GRAMD2A: variants seen among roughly 807,000 people sequenced by gnomAD.
The protein encoded by GRAMD2A is GRAM domain containing 2A.
GRAMD2A carries 37 observed loss-of-function variants against 51.1 expected under a neutral mutation model. That is an observed-to-expected ratio of 0.72 (90% confidence interval 0.56 to 0.95). The LOEUF (loss-of-function observed/expected upper bound fraction) is 0.95. Ranked by LOEUF, GRAMD2A falls within the 40% of genes least tolerant of loss-of-function variation. GRAMD2A has a pLI of 0.00. For missense variants in GRAMD2A, 414 were observed against 426.9 expected (o/e 0.97, Z 0.27); for synonymous variants, 136 against 157.1 (o/e 0.87, Z 1.01).
chr15:72,170,145 G>A lies in GRAMD2A; in HGVS notation c.42-206C>T, dbSNP rs2081594840. ...TGACGGAGTAGGCGGGTCTCACACA[G>A]CGTCTTTCCCGAAAGCCAGAAGTTC... On this transcript the variant is annotated intron_variant, in intron 1 of 11. Coordinates refer to ENST00000309731, the MANE Select transcript of GRAMD2A (RefSeq NM_001012642.3). This position sits in a 1 kb window ranked among gnomAD's most constrained non-coding sequence, Gnocchi z 4.5. 1.5e-6 allele frequency: 1 copy of A among 675,710 alleles called. No homozygotes were observed. Among genetic ancestry groups the A allele is most frequent in the Admixed American group, 2.0e-5 (1 of 49,150 alleles). 41.9% of individuals were successfully genotyped at this position (675,710 alleles called of 1,614,324 possible).
At chr15:72,162,511 T>C in intron 10 of GRAMD2A, 134 bp from the exon 11 acceptor site, 1 of 631,102 alleles carries the variant, frequency 1.6e-6, no homozygotes, top group Non-Finnish European at 2.8e-6. Flanking sequence ...CTGCAGCCAG[T>C]TCAGGCCTCA....
rs2081823234 is a variant in GRAMD2A, at chr15:72,197,772, C to A, written c.-1G>T. ...CCTCGCTCCGGCTTAAAGCGGTCAT[C>A]CCGGCGCCTGCACCCAGCGCCCCGA... On this transcript the variant is annotated 5_prime_UTR_variant, in exon 1 of 12. Coordinates refer to ENST00000309731, the MANE Select transcript of GRAMD2A (RefSeq NM_001012642.3). The A allele has an allele frequency of 3.1e-6, 4 of 1,310,644 alleles. No individual in the cohort carries two copies. Among genetic ancestry groups the A allele is most frequent in the Non-Finnish European group, 3.9e-6 (4 of 1,022,044 alleles). The allele number at this position is 1,310,644 out of a possible 1,614,324, so 81.2% of individuals were successfully genotyped here.
At chr15:72,175,766 C>G (rs1357353213) in intron 1 of GRAMD2A, 2 of 152,332 alleles carry the variant, frequency 1.3e-5, no homozygotes, top group African/African-American at 4.8e-5. Flanking sequence ...ACTCTGAGCT[C>G]CAGCAAGGGC....
At chr15:72,173,877 C>T (rs1161606862) in intron 1 of GRAMD2A, 3 of 135,308 alleles carry the variant, frequency 2.2e-5, no homozygotes, top group South Asian at 4.7e-4. Flanking sequence ...TTCAGTGAGC[C>T]GAGATCACAC....
chr15:72,167,928 TC>T, intron 4 of GRAMD2A, 89 bp from the exon 5 acceptor site: 1 of 875,304 alleles, frequency 1.1e-6, no homozygotes, highest in Non-Finnish European at 1.9e-6. Context: ...GAGTCCACAG[TC>T]CAGCCTCAGG....
At chr15:72,163,543 T>C in intron 9 of GRAMD2A, 67 bp from the exon 10 acceptor site, 1 of 1,598,474 alleles carries the variant, frequency 6.3e-7, no homozygotes, top group Non-Finnish European at 8.5e-7. Flanking sequence ...GAGCCCTTTT[T>C]ATGGAACTGG....
intron 1 of GRAMD2A, among the ~76,000 whole-genome samples, chr15:72,178,568 CTT>C (rs537075334): frequency 2.4e-5 from 2 of 84,188 alleles, no homozygotes; most frequent in Non-Finnish European, 4.4e-5. Context: ...CTTGCACTTT[CTT>C]TTTTTTTTTT....
intron 8 of GRAMD2A, among the ~76,000 whole-genome samples, chr15:72,164,306 G>T (rs1224847991): frequency 6.6e-6 from 1 of 152,072 alleles, no homozygotes; most frequent in Non-Finnish European, 1.5e-5. Flanking sequence ...CCTACCCAGG[G>T]CCCCAGCTGC....
chr15:72,167,300 T>A (rs1329918192), intron 5 of GRAMD2A, among the ~76,000 whole-genome samples: 1 of 152,168 alleles, frequency 6.6e-6, no homozygotes, highest in Non-Finnish European at 1.5e-5. Flanking sequence ...GCAGGATGTG[T>A]CACTCTTGGC....
chr15:72,184,811 A>G (rs148442547), intron 1 of GRAMD2A, among the ~76,000 whole-genome samples: 1,953 of 152,344 alleles, frequency 0.013, 62 homozygotes, highest in Admixed American at 0.058. Context: ...AGAGAAAAAC[A>G]AATAAAAGGT....
Position 72,178,723 on chromosome 15 carries a change from C to T in GRAMD2A, c.42-8784G>A, listed in dbSNP as rs1352939413. ...CGGAGTAGCTGGGACTACAGGCGCC[C>T]GCCACCACGCCCGGCTAATTTTTTG... On this transcript the variant is annotated intron_variant, in intron 1 of 11. Coordinates refer to ENST00000309731, the MANE Select transcript of GRAMD2A (RefSeq NM_001012642.3). Among the ~76,000 whole-genome samples, 8 of 151,644 alleles carry T rather than the reference C, an allele frequency of 5.3e-5. No homozygotes were observed. The East Asian group carries it at 1.2e-3, about 22-fold the overall frequency.
In GRAMD2A at chr15:72,161,884, G is replaced by T; in HGVS notation, c.*125C>A. The T allele has an allele frequency of 1.0e-6, 1 of 957,476 alleles. No individual in the cohort carries two copies. The highest frequency in any genetic ancestry group is 1.7e-6 in the Non-Finnish European group (1 of 585,106). 59.3% of individuals were successfully genotyped at this position (957,476 alleles called of 1,614,324 possible). The stretch of plus-strand genomic sequence containing the variant: ...GAGCTGCGGGGAGGAGGAGGGATCT[G>T]GAATATTTTCCTTCATAGGCAGTCT... On this transcript the variant is annotated 3_prime_UTR_variant, in exon 12 of 12. Coordinates refer to ENST00000309731, the MANE Select transcript of GRAMD2A (RefSeq NM_001012642.3).
intron 1 of GRAMD2A, among the ~76,000 whole-genome samples, chr15:72,191,306 T>C (rs900346101): frequency 6.6e-6 from 1 of 152,116 alleles, no homozygotes; most frequent in Non-Finnish European, 1.5e-5. Context: ...TTCAAGCGAT[T>C]CTCCTGCCTC....
chr15:72,175,870 C>CA (rs1040745405), intron 1 of GRAMD2A: 1 of 152,582 alleles, frequency 6.6e-6, no homozygotes, highest in Non-Finnish European at 1.5e-5. Flanking sequence ...GATAACACCC[C>CA]AAAAGGGAGA....
chr15:72,197,358 A>C (rs1478321440), intron 1 of GRAMD2A, among the ~76,000 whole-genome samples: 1 of 152,206 alleles, frequency 6.6e-6, no homozygotes, highest in Non-Finnish European at 1.5e-5. Context: ...TACCGCGGGC[A>C]ACGAATGATG....
chr15:72,168,699 G>A, intron 3 of GRAMD2A, 133 bp from the exon 4 acceptor site: 3 of 796,156 alleles, frequency 3.8e-6, no homozygotes, highest in Non-Finnish European at 6.5e-6. Context: ...CTAGTAAGCA[G>A]CCAGTGAGTA....
At chr15:72,194,432 G>C (rs1212786507) in intron 1 of GRAMD2A, among the ~76,000 whole-genome samples, 1 of 152,170 alleles carries the variant, frequency 6.6e-6, no homozygotes, top group Non-Finnish European at 1.5e-5. Context: ...CTAAGCTTAT[G>C]ATTTTAGTAT....
At chr15:72,194,579 T>C (rs2081791634) in intron 1 of GRAMD2A, among the ~76,000 whole-genome samples, 1 of 152,172 alleles carries the variant, frequency 6.6e-6, no homozygotes, top group East Asian at 1.9e-4. Flanking sequence ...TAGGCACCAG[T>C]GGAGTTTTTA....
intron 1 of GRAMD2A, among the ~76,000 whole-genome samples, chr15:72,183,703 G>A (rs1006370114): frequency 6.6e-6 from 1 of 152,184 alleles, no homozygotes; most frequent in African/African-American, 2.4e-5. Context: ...ACAAAAAGTA[G>A]AAAACCAGGT....
Sources: gnomAD v4.1 joint callset for allele counts (sites outside exome capture counted in the v4.1 genomes callset) on GRCh38, gnomAD v4.1.1 for gene constraint, Gnocchi (gnomAD v3.1) non-coding constraint, MANE v1.5 for transcripts, NCBI Gene and HGNC (gene_info 2026-07-23, HGNC 2026-07-21) for gene names.